Variants in KCNIP1 observed in about 807,000 individuals in gnomAD.
The protein encoded by KCNIP1 is potassium voltage-gated channel interacting protein 1.
KCNIP1 carries 18 observed loss-of-function variants against 33.0 expected under a neutral mutation model. The observed-to-expected ratio is 0.55, with a 90% CI of 0.38 to 0.81. KCNIP1 has a LOEUF of 0.81. Among genes scored for constraint, KCNIP1 ranks in the 30% least tolerant of loss-of-function variants. The probability of loss-of-function intolerance (pLI) is 0.00; values close to 1 mark genes in which losing one functional copy is unlikely to be tolerated. For missense variants in KCNIP1, 238 were observed against 271.6 expected (o/e 0.88, Z 0.87); for synonymous variants, 93 against 98.3 (o/e 0.95, Z 0.32).
chr5:170,383,786 T>G, intron 1 of KCNIP1: 1 of 1,614,076 alleles, frequency 6.2e-7, no homozygotes, highest in Non-Finnish European at 8.5e-7. Flanking sequence ...TTCTTGCCCT[T>G]CAGCTCCTCC....
chr5:170,534,471 A>G lies in KCNIP1; in HGVS notation c.61+29838A>G, dbSNP rs918055723. ...AAAGAAGGAAGAGAGGGAGAGGGAG[A>G]AGGAGGAGGAGGAGGAGGAGGAGGA... On this transcript the variant is annotated intron_variant, in intron 1 of 7. Coordinates refer to ENST00000328939, the MANE Select transcript of KCNIP1 (RefSeq NM_014592.4). Among the ~76,000 whole-genome samples, 4 of 149,444 alleles carry G rather than the reference A, an allele frequency of 2.7e-5. No homozygotes were observed. The East Asian group carries it at 6.0e-4, about 22-fold the overall frequency.
intron 1 of KCNIP1, among the ~76,000 whole-genome samples, chr5:170,665,768 T>C (rs1296778950): frequency 6.6e-6 from 1 of 152,212 alleles, no homozygotes; most frequent in African/African-American, 2.4e-5. Flanking sequence ...TTCCCTCTGT[T>C]TTGATAACCT....
chr5:170,504,721 C>T lies in KCNIP1; in HGVS notation c.61+88C>T, dbSNP rs556191129. The T allele has an allele frequency of 4.4e-5, 48 of 1,081,372 alleles. No homozygotes were observed. The East Asian group carries it at 5.7e-4, about 13-fold the overall frequency. The allele number at this position is 1,081,372 out of a possible 1,614,324, so 67.0% of individuals were successfully genotyped here. ...GCTGTGCCACCTGCCTCCCTTAGTC[C>T]GGACTCTCCTCTCCACGAGGAGCCC... is the stretch of plus-strand genomic sequence containing the variant. On this transcript the variant is annotated intron_variant, in intron 1 of 7. Transcript: ENST00000328939. This position sits in a 1 kb window ranked among gnomAD's most constrained non-coding sequence, Gnocchi z 6.0.
At chr5:170,494,797 C>A (rs1196688747) in intron 1 of KCNIP1, among the ~76,000 whole-genome samples, 1 of 152,224 alleles carries the variant, frequency 6.6e-6, no homozygotes, top group African/African-American at 2.4e-5. Context: ...CTCCCATCTG[C>A]TTTCCTTCCT....
intron 1 of KCNIP1, among the ~76,000 whole-genome samples, chr5:170,359,520 G>A (rs11749169): frequency 0.11 from 16,014 of 152,112 alleles, 1,059 homozygotes; most frequent in East Asian, 0.2. Flanking sequence ...TGGCAGTGAG[G>A]GGCTGAGCAA....
chr5:170,363,788 C>T (rs990312141), intron 1 of KCNIP1, among the ~76,000 whole-genome samples: 1 of 152,096 alleles, frequency 6.6e-6, no homozygotes, highest in African/African-American at 2.4e-5. Context: ...GTTGTGCAAC[C>T]ATCACCACCA....
At chr5:170,450,111 G>A (rs1309099899) in intron 1 of KCNIP1, among the ~76,000 whole-genome samples, 4 of 140,740 alleles carry the variant, frequency 2.8e-5, no homozygotes, top group East Asian at 4.2e-4. Flanking sequence ...AGGATCGCCC[G>A]ACCCCCCACC....
At position 170,687,168 on chromosome 5, in the gene KCNIP1, T is replaced by TA. The variant is rs536015420; in HGVS notation, c.62-31583dup. Reference sequence around the variant, plus strand: ...AATCATTTTGTTTTGATTTTATGTGTAAAAAAACCTGAGTAAATTTTTTTT... The same window carrying TA: ...AATCATTTTGTTTTGATTTTATGTGTAAAAAAAACCTGAGTAAATTTTTTTT... On this transcript the variant is annotated intron_variant, in intron 1 of 7. Transcript: ENST00000328939. Among the ~76,000 whole-genome samples, 321 of 151,072 alleles carry TA rather than the reference T, an allele frequency of 2.1e-3. 1 individual carries two copies. The highest frequency in any genetic ancestry group is 7.7e-3 in the African/African-American group (312 of 40,592).
intron 1 of KCNIP1, among the ~76,000 whole-genome samples, chr5:170,577,169 C>T (rs1757630816): frequency 6.6e-6 from 1 of 152,210 alleles, no homozygotes; most frequent in Non-Finnish European, 1.5e-5. Context: ...CATCAGATCC[C>T]ATGCTTTGGT....
chr5:170,660,830 G>A (rs1761453679), intron 1 of KCNIP1, among the ~76,000 whole-genome samples: 1 of 152,254 alleles, frequency 6.6e-6, no homozygotes, highest in Admixed American at 6.5e-5. Context: ...TCACTGCTGT[G>A]TGTCCTGGAC....
At chr5:170,722,912 T>C in intron 5 of KCNIP1, 92 bp downstream of exon 5, 1 of 768,238 alleles carries the variant, frequency 1.3e-6, no homozygotes, top group Admixed American at 2.4e-5. Context: ...TAGCACTGTC[T>C]GAATGAGGCA....
intron 1 of KCNIP1, among the ~76,000 whole-genome samples, chr5:170,360,261 G>A (rs189413183): frequency 2.0e-5 from 3 of 152,300 alleles, no homozygotes; most frequent in East Asian, 3.9e-4. Flanking sequence ...TGGAAGTGGC[G>A]ATGTGAAGTC....
chr5:170,699,555 TGAA>T (rs1309417275), intron 1 of KCNIP1, among the ~76,000 whole-genome samples: 15 of 118,200 alleles, frequency 1.3e-4, no homozygotes, highest in South Asian at 6.1e-4. Context: ...AATTGCTCTG[TGAA>T]AAAAAAAAAA....
chr5:170,355,782 A>G (rs529479462), intron 1 of KCNIP1, among the ~76,000 whole-genome samples: 1 of 152,350 alleles, frequency 6.6e-6, no homozygotes, highest in South Asian at 2.1e-4. Flanking sequence ...CCAGAAACTA[A>G]GATCCATGTG....
intron 1 of KCNIP1, among the ~76,000 whole-genome samples, chr5:170,665,677 C>G (rs1205739886): frequency 6.6e-6 from 1 of 152,118 alleles, no homozygotes; most frequent in African/African-American, 2.4e-5. Context: ...ACCTGAAGTC[C>G]TTTTTCTAGT....
chr5:170,467,072 A>T (rs1239535241), intron 1 of KCNIP1, among the ~76,000 whole-genome samples: 2 of 152,172 alleles, frequency 1.3e-5, no homozygotes, highest in Non-Finnish European at 2.9e-5. Context: ...ATCACTGGTT[A>T]CCTTAGGGAG....
chr5:170,642,875 A>G (rs1169572874), intron 1 of KCNIP1, among the ~76,000 whole-genome samples: 1 of 152,170 alleles, frequency 6.6e-6, no homozygotes, highest in Non-Finnish European at 1.5e-5. Context: ...TATTATCTCC[A>G]TTTTACACTG....
upstream of KCNIP1, among the ~76,000 whole-genome samples, chr5:170,501,654 G>A (rs1757416236): frequency 6.6e-6 from 1 of 152,232 alleles, no homozygotes; most frequent in Non-Finnish European, 1.5e-5. Flanking sequence ...CCTCTCAAGT[G>A]CTGTCCTTAT....
At chr5:170,505,433 A>G (rs911213208) in intron 1 of KCNIP1, among the ~76,000 whole-genome samples, 2 of 152,170 alleles carry the variant, frequency 1.3e-5, no homozygotes, top group Non-Finnish European at 2.9e-5. Flanking sequence ...TGGTTGGAAT[A>G]AAGAGACTGG....
Sources: allele counts gnomAD v4.1 joint callset (sites outside exome capture counted in the v4.1 genomes callset), GRCh38; gene constraint gnomAD v4.1.1; non-coding constraint Gnocchi (gnomAD v3.1); transcripts MANE v1.5; gene names NCBI Gene and HGNC (gene_info 2026-07-23, HGNC 2026-07-21).